Variants in FANCA observed in about 807,000 individuals in gnomAD.
The protein encoded by FANCA is Fanconi anemia group A protein.
FANCA carries 236 observed loss-of-function variants against 194.3 expected under a neutral mutation model. The ratio of observed to expected loss-of-function variants is 1.21; its 90% CI spans 1.09 to 1.35. The LOEUF is 1.35. Ranked by LOEUF, FANCA falls within the 40% of genes most tolerant of loss-of-function variation. The probability of loss-of-function intolerance (pLI) is 0.00; values close to 1 mark genes in which losing one functional copy is unlikely to be tolerated. For missense variants in FANCA, 2,628 were observed against 1,813.9 expected (o/e 1.45, Z -8.15); for synonymous variants, 1,014 against 715.8 (o/e 1.42, Z -6.65).
chr16:89,739,331 G>A, intron 40 of FANCA, 42 bp from the exon 41 acceptor site: 1 of 1,612,308 alleles, frequency 6.2e-7, no homozygotes. Context: ...CAGACTGCTG[G>A]AAAGGTAGCA....
intron 17 of FANCA, among the ~76,000 whole-genome samples, chr16:89,781,237 G>T (rs903791098): frequency 6.6e-5 from 10 of 151,078 alleles, no homozygotes; most frequent in African/African-American, 2.0e-4. Context: ...GGTGGCGGGT[G>T]CCTGTAGTCC....
At chr16:89,755,048 G>A (rs1302861433) in intron 30 of FANCA, among the ~76,000 whole-genome samples, 1 of 152,128 alleles carries the variant, frequency 6.6e-6, no homozygotes, top group African/African-American at 2.4e-5. Context: ...CAGACCAAGG[G>A]AACACAATGA....
chr16:89,764,723 A>T (rs2039065283), intron 28 of FANCA, 167 bp downstream of exon 28: 1 of 818,072 alleles, frequency 1.2e-6, no homozygotes, highest in Non-Finnish European at 2.1e-6. Context: ...CACGCACCCT[A>T]GACTCGAGAC....
chr16:89,813,850 G>C (rs9927089), intron 3 of FANCA, among the ~76,000 whole-genome samples: 68,604 of 151,554 alleles, frequency 0.45, 16,702 homozygotes, highest in East Asian at 0.98. Context: ...GCACGTGCGT[G>C]CATGTACTAA....
At chr16:89,785,577 G>A (rs926701749) in intron 14 of FANCA, among the ~76,000 whole-genome samples, 2 of 152,200 alleles carry the variant, frequency 1.3e-5, no homozygotes, top group African/African-American at 2.4e-5. Flanking sequence ...GGGGGCTGCA[G>A]CAAAGTCCTG....
intron 28 of FANCA, among the ~76,000 whole-genome samples, chr16:89,763,543 G>A (rs2039022167): frequency 6.6e-6 from 1 of 152,004 alleles, no homozygotes; most frequent in African/African-American, 2.4e-5. Context: ...TCAGTACCAA[G>A]GCACACTGGT....
chr16:89,768,563 C>G (rs1974583), intron 26 of FANCA, among the ~76,000 whole-genome samples: 61,339 of 151,684 alleles, frequency 0.4, 13,577 homozygotes, highest in East Asian at 0.75. Context: ...AGCTGAGGCA[C>G]AAGAACTGCT....
chr16:89,746,756 T>C (rs2038404536), intron 34 of FANCA, 68 bp from the exon 35 acceptor site: 2 of 1,597,432 alleles, frequency 1.3e-6, no homozygotes, highest in Non-Finnish European at 1.7e-6. Context: ...GTGAAGGAAC[T>C]CACAGGAAGC....
At chr16:89,767,469 G>A (rs777928550) in intron 26 of FANCA, among the ~76,000 whole-genome samples, 13 of 152,092 alleles carry the variant, frequency 8.5e-5, no homozygotes, top group African/African-American at 3.1e-4. Context: ...CCGGGTTCAA[G>A]CGAGTCTCCT....
chr16:89,754,285 G>C (rs73264452), intron 30 of FANCA, among the ~76,000 whole-genome samples: 3 of 151,096 alleles, frequency 2.0e-5, no homozygotes, highest in South Asian at 4.2e-4. Context: ...AGTTCAAGCC[G>C]GGGCAATTCA....
chr16:89,762,115 G>T, intron 28 of FANCA, 93 bp from the exon 29 acceptor site: 2 of 948,454 alleles, frequency 2.1e-6, no homozygotes, highest in South Asian at 1.3e-5. Context: ...CATCTCATAC[G>T]CAGTCCTCCA....
rs546706147 is a variant in FANCA, at chr16:89,782,991, T to C, written c.1566+16A>G. 12 of 1,612,956 alleles carry C rather than the reference T, an allele frequency of 7.4e-6. No homozygotes were observed. The South Asian group carries it at 1.3e-4, about 18-fold the overall frequency. ...CTGGGACAGGTGTGAGGAGTGGGCATGGAGGGACAGCTTGCCTTGAGGTCG... is the reference window on the plus strand; with the variant it reads ...CTGGGACAGGTGTGAGGAGTGGGCACGGAGGGACAGCTTGCCTTGAGGTCG... On this transcript the variant is annotated intron_variant, in intron 16 of 42. Coordinates refer to ENST00000389301, the MANE Select transcript of FANCA (RefSeq NM_000135.4).
rs1322836674 is a variant in FANCA, at chr16:89,803,352, A to G, written c.710-11T>C. 1.5e-5 allele frequency: 24 copies of G among 1,612,180 alleles called. No homozygotes were observed. The highest frequency in any genetic ancestry group is 1.9e-5 in the Non-Finnish European group (22 of 1,178,358). Reference sequence around the variant, plus strand: ...ACATTTGAACAAAATCTGAAAAACCATAAAACCAAAGTTATTTATGGACAT... The same window carrying G: ...ACATTTGAACAAAATCTGAAAAACCGTAAAACCAAAGTTATTTATGGACAT... On this transcript the variant is annotated splice_polypyrimidine_tract_variant and intron_variant, in intron 7 of 42. Coordinates refer to ENST00000389301, the MANE Select transcript of FANCA (RefSeq NM_000135.4).
At chr16:89,778,912 T>C (rs1567625621) in intron 19 of FANCA, 31 bp downstream of exon 19, 1 of 1,613,938 alleles carries the variant, frequency 6.2e-7, no homozygotes, top group South Asian at 1.1e-5. Flanking sequence ...TCTACACAAC[T>C]GGTCACAAAC....
chr16:89,802,860 G>C (rs965966878), intron 8 of FANCA, among the ~76,000 whole-genome samples: 1 of 152,192 alleles, frequency 6.6e-6, no homozygotes, highest in African/African-American at 2.4e-5. Context: ...TGTGGAGGTA[G>C]AGAGTAGAAC....
rs1167675763 is a variant in FANCA at position 89,738,596 on chromosome 16, TC to T, written c.*4del. 1.2e-6 allele frequency: 2 copies of T among 1,604,760 alleles called. No individual in the cohort carries two copies. The highest frequency in any genetic ancestry group is 8.5e-7 in the Non-Finnish European group (1 of 1,176,884). On this transcript the variant is annotated 3_prime_UTR_variant, in exon 43 of 43. Transcript: ENST00000389301. The stretch of plus-strand genomic sequence containing the variant: ...AGCTGGGCTGGTGTGCAGTGGCAGG[TC>T]CCGTCAGAAGAGATGAGGCTCCTGG...
chr16:89,785,911 G>A (rs1368769637), intron 14 of FANCA, among the ~76,000 whole-genome samples: 2 of 142,790 alleles, frequency 1.4e-5, no homozygotes, highest in Non-Finnish European at 3.0e-5. Flanking sequence ...CTGGAGTGCA[G>A]TGGTGCCATC....
chr16:89,746,709 G>C, intron 34 of FANCA, 21 bp from the exon 35 acceptor site: 1 of 1,611,744 alleles, frequency 6.2e-7, no homozygotes, highest in Non-Finnish European at 8.5e-7. Context: ...GAACGCAGCA[G>C]GAGGTCAGCG....
chr16:89,804,502 G>A (rs1331894099), intron 7 of FANCA, among the ~76,000 whole-genome samples: 2 of 152,044 alleles, frequency 1.3e-5, no homozygotes, highest in Non-Finnish European at 1.5e-5. Context: ...TCCTCAAGCT[G>A]GATTGGTCCA....
Sources: gnomAD v4.1 joint callset for allele counts (sites outside exome capture counted in the v4.1 genomes callset) on GRCh38, gnomAD v4.1.1 for gene constraint, MANE v1.5 for transcripts, NCBI Gene and HGNC (gene_info 2026-07-23, HGNC 2026-07-21) for gene names.